Variants in CFAP299 observed in about 807,000 individuals in gnomAD.
The protein encoded by CFAP299 is cilia- and flagella-associated protein 299.
In CFAP299, 21 loss-of-function variants were observed where a neutral mutation model predicts 27.0. The observed-to-expected ratio is 0.78, with a 90% CI of 0.55 to 1.12. CFAP299 has a LOEUF of 1.12. CFAP299 is among the 50% of genes most tolerant of loss of function. CFAP299 has a pLI of 0.00. For missense variants in CFAP299, 310 were observed against 276.6 expected (o/e 1.12, Z -0.86); for synonymous variants, 104 against 98.1 (o/e 1.06, Z -0.36).
intron 5 of CFAP299, among the ~76,000 whole-genome samples, chr4:80,952,943 C>T (rs1018645637): frequency 1.3e-5 from 2 of 152,128 alleles, no homozygotes; most frequent in African/African-American, 4.8e-5. Flanking sequence ...CTTCTCAAAA[C>T]GGAGACCCAT....
intron 2 of CFAP299, among the ~76,000 whole-genome samples, chr4:80,459,975 T>C (rs1253491561): frequency 2.0e-5 from 3 of 152,180 alleles, no homozygotes; most frequent in Non-Finnish European, 2.9e-5. Flanking sequence ...ATGGAAGTTA[T>C]ACAAAATATG....
At chr4:80,564,474 C>A (rs568068178) in intron 2 of CFAP299, among the ~76,000 whole-genome samples, 1 of 151,834 alleles carries the variant, frequency 6.6e-6, no homozygotes, top group African/African-American at 2.4e-5. Context: ...TGATATAATT[C>A]AACATCCCTT....
intron 1 of CFAP299, among the ~76,000 whole-genome samples, chr4:80,337,182 T>C (rs1212148764): frequency 3.3e-5 from 5 of 152,196 alleles, no homozygotes; most frequent in Non-Finnish European, 5.9e-5. Context: ...AATTTTTGAA[T>C]GTTTAAATAA....
intron 2 of CFAP299, among the ~76,000 whole-genome samples, chr4:80,432,826 C>G (rs1251251751): frequency 2.6e-5 from 4 of 152,120 alleles, no homozygotes; most frequent in Admixed American, 6.5e-5. Flanking sequence ...CCGGCCTACA[C>G]TCTATTTTTT....
chr4:80,370,491 G>A (rs1429130229), intron 2 of CFAP299, among the ~76,000 whole-genome samples: 1 of 152,164 alleles, frequency 6.6e-6, no homozygotes, highest in East Asian at 1.9e-4. Context: ...AGTCCCTTTT[G>A]CCTATGAGCC....
intron 3 of CFAP299, among the ~76,000 whole-genome samples, chr4:80,868,905 C>CTCTGTG (rs1435285713): frequency 0.022 from 3,072 of 137,608 alleles, 52 homozygotes; most frequent in Admixed American, 0.052. Flanking sequence ...GCTTCTCTCT[C>CTCTGTG]TGTGTGTGTG....
chr4:80,655,666 A>G (rs1463871691), intron 3 of CFAP299, among the ~76,000 whole-genome samples: 2 of 152,188 alleles, frequency 1.3e-5, no homozygotes, highest in African/African-American at 4.8e-5. Context: ...CAGTGAGTAG[A>G]CACTTCAACT....
intron 4 of CFAP299, among the ~76,000 whole-genome samples, chr4:80,876,990 A>G (rs1578205818): frequency 1.3e-5 from 2 of 152,288 alleles, no homozygotes; most frequent in Admixed American, 6.5e-5. Context: ...GTACTTAACC[A>G]GGCTTTCATT....
At chr4:80,886,894 G>T (rs1733998718) in intron 4 of CFAP299, among the ~76,000 whole-genome samples, 1 of 151,934 alleles carries the variant, frequency 6.6e-6, no homozygotes, top group African/African-American at 2.4e-5. Flanking sequence ...TAATTGCAAA[G>T]AATCAAGCAG....
intron 4 of CFAP299, among the ~76,000 whole-genome samples, chr4:80,943,843 C>G (rs1412895402): frequency 2.0e-5 from 3 of 151,930 alleles, no homozygotes; most frequent in Admixed American, 6.6e-5. Flanking sequence ...CCAAGGTGGG[C>G]AGATCACGAG....
At chr4:80,460,426 G>C (rs1177141873) in intron 2 of CFAP299, among the ~76,000 whole-genome samples, 1 of 152,028 alleles carries the variant, frequency 6.6e-6, no homozygotes, top group African/African-American at 2.4e-5. Context: ...TATATATTTT[G>C]GGGTGAAATT....
intron 4 of CFAP299, among the ~76,000 whole-genome samples, chr4:80,902,521 G>GATAT (rs1578225916): frequency 2.0e-5 from 2 of 100,598 alleles, no homozygotes; most frequent in Admixed American, 1.0e-4. Flanking sequence ...CATATGTATG[G>GATAT]ATACAAATAT....
At chr4:80,667,814 T>A (rs542569496) in intron 3 of CFAP299, among the ~76,000 whole-genome samples, 2 of 152,260 alleles carry the variant, frequency 1.3e-5, no homozygotes, top group Admixed American at 6.5e-5. Context: ...ATATATTGAT[T>A]TCCTTTATTT....
upstream of CFAP299, among the ~76,000 whole-genome samples, chr4:80,332,886 A>C (rs578011258): frequency 6.0e-4 from 91 of 152,194 alleles, no homozygotes; most frequent in Non-Finnish European, 1.2e-3. Flanking sequence ...AAAAAGCTTG[A>C]GGGAATTTTC....
chr4:80,493,921 G>A (rs960184457), intron 2 of CFAP299, among the ~76,000 whole-genome samples: 6 of 150,864 alleles, frequency 4.0e-5, no homozygotes, highest in East Asian at 2.0e-4. Flanking sequence ...GACTACAGGC[G>A]CCCGCCACCA....
chr4:80,414,820 C>T (rs140105097), intron 2 of CFAP299, among the ~76,000 whole-genome samples: 1 of 152,334 alleles, frequency 6.6e-6, no homozygotes, highest in Non-Finnish European at 1.5e-5. Flanking sequence ...AGGGAAATTT[C>T]ATCTTTCTTG....
At chr4:80,848,300 C>T (rs769576905) in intron 3 of CFAP299, among the ~76,000 whole-genome samples, 4 of 151,940 alleles carry the variant, frequency 2.6e-5, no homozygotes, top group Non-Finnish European at 5.9e-5. Context: ...TGAGTACTAA[C>T]ATAGAAACAT....
intron 2 of CFAP299, among the ~76,000 whole-genome samples, chr4:80,423,925 A>G (rs1727416013): frequency 6.6e-6 from 1 of 152,164 alleles, no homozygotes; most frequent in Middle Eastern, 3.2e-3. Flanking sequence ...TGAGGGACAG[A>G]GGATCTTTCA....
chr4:80,739,896 T>A (rs541754034), intron 3 of CFAP299, among the ~76,000 whole-genome samples: 2 of 152,280 alleles, frequency 1.3e-5, no homozygotes, highest in South Asian at 2.1e-4. Flanking sequence ...TTTTAAAATA[T>A]CCTTTATTCA....
Sources: allele counts gnomAD v4.1 joint callset (sites outside exome capture counted in the v4.1 genomes callset), GRCh38; gene constraint gnomAD v4.1.1; transcripts MANE v1.5; gene names NCBI Gene and HGNC (gene_info 2026-07-23, HGNC 2026-07-21).